RSU1: variants seen among roughly 807,000 people sequenced by gnomAD.
The protein encoded by RSU1 is rsu-1.
Under a neutral mutation model 31.1 loss-of-function variants are expected in RSU1, and 26 were observed. That is an observed-to-expected ratio of 0.84 (90% CI 0.61 to 1.16). The LOEUF is 1.16. RSU1 is among the 50% of genes most tolerant of loss of function. RSU1 has a pLI of 0.00. For synonymous variants in RSU1, 164 were observed against 136.3 expected (o/e 1.20, Z -1.41); for missense variants, 320 against 339.1 (o/e 0.94, Z 0.44).
intron 8 of RSU1, among the ~76,000 whole-genome samples, chr10:16,639,916 C>T (rs1453670090): frequency 6.6e-6 from 1 of 152,174 alleles, no homozygotes; most frequent in African/African-American, 2.4e-5. Flanking sequence ...CAAATAAATG[C>T]TCAGAAGTTG....
Position 16,754,751 on chromosome 10 carries a change from A to C in RSU1, c.400+120T>G, listed in dbSNP as rs896896465. The C allele has an allele frequency of 8.8e-6, 6 of 680,276 alleles. No individual in the cohort carries two copies. In the Admixed American group the frequency reaches 1.4e-4, roughly 16 times the overall value. 42.1% of individuals were successfully genotyped at this position (680,276 alleles called of 1,614,324 possible). Reference sequence around the variant, plus strand: ...GAAGGAATATTCAAAAGGAGTCTCTAAAGAAAAAATTATCTCTGTCCAATA... The same window carrying C: ...GAAGGAATATTCAAAAGGAGTCTCTCAAGAAAAAATTATCTCTGTCCAATA... On this transcript the variant is annotated intron_variant, in intron 5 of 8. Coordinates refer to ENST00000345264, the MANE Select transcript of RSU1 (RefSeq NM_012425.4).
chr10:16,719,672 T>G (rs1032379576), intron 7 of RSU1, among the ~76,000 whole-genome samples: 2 of 152,230 alleles, frequency 1.3e-5, no homozygotes, highest in African/African-American at 4.8e-5. Flanking sequence ...ACTGTAAGCC[T>G]CATGGGCACA....
chr10:16,772,737 T>C (rs538631280), intron 3 of RSU1, among the ~76,000 whole-genome samples: 3 of 152,192 alleles, frequency 2.0e-5, no homozygotes, highest in African/African-American at 7.2e-5. Flanking sequence ...TAGGCTCTTT[T>C]ATATGAGTAC....
chr10:16,785,471 C>T (rs1564357344), intron 2 of RSU1, among the ~76,000 whole-genome samples: 1,850 of 137,120 alleles, frequency 0.013, 129 homozygotes, highest in African/African-American at 0.051. Flanking sequence ...TATATATATA[C>T]ACATATATAC....
At chr10:16,626,726 T>A (rs916916849) in intron 8 of RSU1, among the ~76,000 whole-genome samples, 1 of 152,166 alleles carries the variant, frequency 6.6e-6, no homozygotes, top group South Asian at 2.1e-4. Flanking sequence ...CCTGGTCTCA[T>A]GGGGTGGCAA....
chr10:16,777,361 T>A (rs925908899), intron 3 of RSU1, among the ~76,000 whole-genome samples: 11 of 152,068 alleles, frequency 7.2e-5, no homozygotes, highest in Non-Finnish European at 1.5e-4. Context: ...ATGTTTCTAA[T>A]TTGAGAAAGT....
intron 2 of RSU1, among the ~76,000 whole-genome samples, chr10:16,810,825 C>T (rs576331018): frequency 1.3e-5 from 2 of 152,248 alleles, no homozygotes; most frequent in East Asian, 3.9e-4. Context: ...AGTTCAACAC[C>T]AGCCTGGGAG....
At chr10:16,645,908 ATGTATATATATGTGTATATACACATATG>A (rs1233123746) in intron 8 of RSU1, among the ~76,000 whole-genome samples, 18,663 of 77,380 alleles carry the variant, frequency 0.24, 3,297 homozygotes, top group Non-Finnish European at 0.28. Flanking sequence ...ATACACATAT[ATGTATATATATGTGTATATACACATATG>A]TGTATATATA....
Position 16,764,513 on chromosome 10 carries a change from A to G in RSU1, c.161-3T>C. The G allele has an allele frequency of 6.2e-7, 1 of 1,612,092 alleles. No homozygotes were observed. Among genetic ancestry groups the G allele is most frequent in the Non-Finnish European group, 8.5e-7 (1 of 1,179,084 alleles). On this transcript the variant is annotated splice_polypyrimidine_tract_variant and splice_region_variant and intron_variant, in intron 3 of 8. Coordinates refer to ENST00000345264, the MANE Select transcript of RSU1 (RefSeq NM_012425.4). ...TTCTGCGATGTTCGGTGGCACCACT[A>G]TGGAAACAAAAATGCTGAGTGTGAA... is the stretch of plus-strand genomic sequence containing the variant.
chr10:16,797,038 T>C (rs1162279538), intron 2 of RSU1, among the ~76,000 whole-genome samples: 1 of 152,140 alleles, frequency 6.6e-6, no homozygotes, highest in Non-Finnish European at 1.5e-5. Flanking sequence ...TCTGTGAGAA[T>C]AGCAGCTGAA....
intron 4 of RSU1, among the ~76,000 whole-genome samples, chr10:16,757,927 C>T (rs542925341): frequency 1.3e-5 from 2 of 152,322 alleles, no homozygotes; most frequent in East Asian, 1.9e-4. Flanking sequence ...AGGAAATCCA[C>T]GGTTAGACAG....
intron 7 of RSU1, among the ~76,000 whole-genome samples, chr10:16,698,906 A>C (rs1398082800): frequency 6.6e-6 from 1 of 152,120 alleles, no homozygotes; most frequent in Admixed American, 6.5e-5. Flanking sequence ...TACCCTCCCC[A>C]CCCTCATTTA....
Position 16,632,423 on chromosome 10 carries a change from A to G in RSU1, c.732-38927T>C, listed in dbSNP as rs970501121. ...CAGATACCTCCTTGGTTTATTAGTA[A>G]TAAGTTGGACGTGTCTTACAAAACC... On this transcript the variant is annotated intron_variant, in intron 8 of 8. Coordinates refer to ENST00000345264, the MANE Select transcript of RSU1 (RefSeq NM_012425.4). Among the ~76,000 whole-genome samples, 3 of 152,266 alleles carry G rather than the reference A, an allele frequency of 2.0e-5. No homozygotes were observed. The East Asian group carries it at 5.8e-4, about 29-fold the overall frequency.
At chr10:16,649,205 A>T (rs2131512430) in intron 8 of RSU1, among the ~76,000 whole-genome samples, 1 of 152,342 alleles carries the variant, frequency 6.6e-6, no homozygotes, top group African/African-American at 2.4e-5. Context: ...AAATACCCTA[A>T]CAAAATGCAG....
intron 2 of RSU1, among the ~76,000 whole-genome samples, chr10:16,804,921 T>C (rs776317191): frequency 2.6e-5 from 4 of 152,166 alleles, no homozygotes; most frequent in Non-Finnish European, 5.9e-5. Flanking sequence ...TTACATTAAT[T>C]TGCCAAAACC....
intron 8 of RSU1, among the ~76,000 whole-genome samples, chr10:16,611,874 G>A (rs1053584999): frequency 2.0e-5 from 3 of 152,200 alleles, no homozygotes; most frequent in African/African-American, 7.2e-5. Flanking sequence ...CAGCACCTGT[G>A]TGAAAGTTAT....
intron 2 of RSU1, among the ~76,000 whole-genome samples, chr10:16,814,170 T>C (rs1838472342): frequency 6.6e-6 from 1 of 152,144 alleles, no homozygotes; most frequent in African/African-American, 2.4e-5. Context: ...TTGGGTGTGG[T>C]AGCTCACATG....
At chr10:16,616,690 T>C (rs898392520) in intron 8 of RSU1, among the ~76,000 whole-genome samples, 6 of 152,228 alleles carry the variant, frequency 3.9e-5, no homozygotes, top group Non-Finnish European at 8.8e-5. Context: ...GCTTCACCCC[T>C]GGGATGCAAG....
At chr10:16,782,122 A>G in intron 2 of RSU1, 38 bp from the exon 3 acceptor site, 4 of 1,530,694 alleles carry the variant, frequency 2.6e-6, no homozygotes, top group Non-Finnish European at 3.6e-6. Context: ...CAGTCAGTAA[A>G]TGTATCACTG....
Sources: gnomAD v4.1 joint callset for allele counts (sites outside exome capture counted in the v4.1 genomes callset) on GRCh38, gnomAD v4.1.1 for gene constraint, MANE v1.5 for transcripts, NCBI Gene and HGNC (gene_info 2026-07-23, HGNC 2026-07-21) for gene names.